TANGO6: variants seen among roughly 807,000 people sequenced by gnomAD.
TANGO6 encodes transport and golgi organization 6 homolog.
A neutral mutation model predicts 114.2 loss-of-function variants in TANGO6; 90 were observed. That is an observed-to-expected ratio of 0.79 (90% confidence interval 0.66 to 0.94). TANGO6 has a LOEUF of 0.94. TANGO6 is among the 40% of genes least tolerant of loss of function. The pLI is 0.00. For missense variants in TANGO6, 1,274 were observed against 1,315.3 expected, an observed-to-expected ratio of 0.97 and a Z score of 0.49; for synonymous variants, 477 against 509.8, an observed-to-expected ratio of 0.94 and a Z score of 0.87.
At chr16:68,896,539 G>A (rs1022177343) in intron 7 of TANGO6, among the ~76,000 whole-genome samples, 12 of 151,620 alleles carry the variant, frequency 7.9e-5, no homozygotes, top group Admixed American at 7.2e-4. Flanking sequence ...TTGAACTCCT[G>A]GGCACAAGTG....
intron 17 of TANGO6, among the ~76,000 whole-genome samples, chr16:69,072,600 T>C (rs1311876161): frequency 6.6e-6 from 1 of 152,074 alleles, no homozygotes; most frequent in Admixed American, 6.6e-5. Flanking sequence ...GGAAGTCCTA[T>C]GATGTGTGGG....
chr16:68,862,855 A>G (rs1188422795), intron 2 of TANGO6, 90 bp from the exon 3 acceptor site: 1 of 861,210 alleles, frequency 1.2e-6, no homozygotes. Context: ...CGCTCCTCTC[A>G]CAAGTATCTC....
At chr16:68,861,130 C>T (rs1380054180) in intron 2 of TANGO6, among the ~76,000 whole-genome samples, 1 of 152,146 alleles carries the variant, frequency 6.6e-6, no homozygotes, top group Non-Finnish European at 1.5e-5. Flanking sequence ...TGGTCCTTTT[C>T]TTCAAATAAC....
intron 12 of TANGO6, among the ~76,000 whole-genome samples, chr16:68,923,105 G>A (rs1011290336): frequency 4.0e-5 from 6 of 150,580 alleles, no homozygotes; most frequent in African/African-American, 9.8e-5. Context: ...GCACCACCAC[G>A]CCCGGCTCAT....
intron 14 of TANGO6, among the ~76,000 whole-genome samples, chr16:68,960,989 C>G (rs1963584020): frequency 6.6e-6 from 1 of 152,184 alleles, no homozygotes; most frequent in Admixed American, 6.6e-5. Context: ...ATGTTGGCAG[C>G]ACCTCAAGTT....
chr16:68,926,904 T>G (rs1203424089), intron 12 of TANGO6: 1 of 152,450 alleles, frequency 6.6e-6, no homozygotes, highest in African/African-American at 2.4e-5. Flanking sequence ...GGGGGTGCTT[T>G]CCAGTGAAGA....
intron 15 of TANGO6, among the ~76,000 whole-genome samples, chr16:68,982,129 C>T (rs1963841648): frequency 6.6e-6 from 1 of 152,122 alleles, no homozygotes; most frequent in Non-Finnish European, 1.5e-5. Context: ...GGCAGTAAGG[C>T]CCTTGTTGAA....
In TANGO6 at chr16:68,860,499, G is replaced by C. The variant is rs759907000; in HGVS notation, c.710G>C (p.Arg237Thr). 13 of 1,613,582 alleles carry C rather than the reference G, an allele frequency of 8.1e-6. No individual in the cohort carries two copies. The East Asian group carries it at 2.2e-4, about 28-fold the overall frequency. Residue 237 changes from arginine to threonine, a missense_variant, in exon 2 of 18, where the codon AGA becomes ACA. Coordinates refer to ENST00000261778, the MANE Select transcript of TANGO6 (RefSeq NM_024562.2). ...CAACTGGGATTCTGCCCAACCAAAA[G>C]AAAACTGCTAACACCTGCAGAAGAG... is the stretch of plus-strand genomic sequence containing the variant. ...LCQLGFCPTKRKLLTPAEEVL... is the reference protein window; with the variant it reads ...LCQLGFCPTKTKLLTPAEEVL...
intron 11 of TANGO6, among the ~76,000 whole-genome samples, chr16:68,914,263 G>T (rs1254496114): frequency 6.6e-6 from 1 of 152,158 alleles, no homozygotes; most frequent in Non-Finnish European, 1.5e-5. Flanking sequence ...CCTGGTTCAA[G>T]CGATTTTCCT....
At chr16:69,048,907 AG>A (rs1959902666) in intron 17 of TANGO6, among the ~76,000 whole-genome samples, 1 of 152,120 alleles carries the variant, frequency 6.6e-6, no homozygotes, top group African/African-American at 2.4e-5. Context: ...ACCCAAGCTG[AG>A]GGAAGCTGAT....
intron 5 of TANGO6, 30 bp from the exon 6 acceptor site, chr16:68,878,088 T>C: frequency 6.3e-7 from 1 of 1,581,228 alleles, no homozygotes; most frequent in Non-Finnish European, 8.6e-7. Flanking sequence ...TGCAAAAAAC[T>C]GGTATTTACT....
intron 1 of TANGO6, among the ~76,000 whole-genome samples, chr16:68,857,858 T>C (rs940046224): frequency 6.6e-6 from 1 of 152,240 alleles, no homozygotes; most frequent in African/African-American, 2.4e-5. Context: ...TAAGTTTAGA[T>C]TAATGAGGGA....
chr16:68,920,554 G>A (rs1963075461), intron 12 of TANGO6, among the ~76,000 whole-genome samples: 1 of 152,156 alleles, frequency 6.6e-6, no homozygotes, highest in African/African-American at 2.4e-5. Flanking sequence ...AATAGGCTTA[G>A]TGTGAGTCTT....
rs570108758 is a variant in TANGO6 at position 68,937,348 on chromosome 16, A to C, written c.2701+7053A>C. ...TATATGGTCTCTCAGTAAATTCTCT[A>C]AGTAGTTCTGGGAAGTAGACATTAT... On this transcript the variant is annotated intron_variant, in intron 14 of 17. Coordinates refer to ENST00000261778, the MANE Select transcript of TANGO6 (RefSeq NM_024562.2). 7 of 152,336 alleles carry C rather than the reference A, an allele frequency of 4.6e-5. No homozygotes were observed. In the South Asian group the frequency reaches 1.0e-3, roughly 23 times the overall value. The allele number at this position is 152,336 out of a possible 1,614,324, so 9.4% of individuals were successfully genotyped here.
chr16:68,890,842 G>A (rs1270774707), intron 7 of TANGO6, among the ~76,000 whole-genome samples: 3 of 152,116 alleles, frequency 2.0e-5, no homozygotes, highest in South Asian at 2.1e-4. Context: ...CCAACATGGC[G>A]AAACCCCATC....
At chr16:68,896,681 A>C (rs1962710306) in intron 7 of TANGO6, among the ~76,000 whole-genome samples, 1 of 152,212 alleles carries the variant, frequency 6.6e-6, no homozygotes, top group Non-Finnish European at 1.5e-5. Context: ...TCAGTACCGA[A>C]GAAATTTACT....
intron 17 of TANGO6, among the ~76,000 whole-genome samples, chr16:69,058,232 A>G (rs1186985396): frequency 6.6e-6 from 1 of 152,196 alleles, no homozygotes; most frequent in Non-Finnish European, 1.5e-5. Flanking sequence ...GGTTTGTTCC[A>G]GCTCATTGCT....
At chr16:68,843,779 C>A in intron 1 of TANGO6, 68 bp downstream of exon 1, 1 of 1,511,290 alleles carries the variant, frequency 6.6e-7, no homozygotes, top group Non-Finnish European at 9.1e-7. Context: ...TCCGGGGCTG[C>A]CCTGCCTTCC....
chr16:68,910,176 A>G (rs1364375295), intron 11 of TANGO6, among the ~76,000 whole-genome samples: 1 of 152,234 alleles, frequency 6.6e-6, no homozygotes, highest in Non-Finnish European at 1.5e-5. Context: ...CTGATTCTCC[A>G]GCTCTTTGTA....
Sources: allele counts gnomAD v4.1 joint callset (sites outside exome capture counted in the v4.1 genomes callset), GRCh38; gene constraint gnomAD v4.1.1; transcripts MANE v1.5; gene names NCBI Gene and HGNC (gene_info 2026-07-23, HGNC 2026-07-21).